PIP4K2A: variants seen among roughly 807,000 people sequenced by gnomAD.
PIP4K2A encodes phosphatidylinositol 5-phosphate 4-kinase type-2 alpha.
Under a neutral mutation model 42.9 loss-of-function variants are expected in PIP4K2A, and 14 were observed. The observed-to-expected ratio is 0.33, with a 90% CI of 0.22 to 0.51. PIP4K2A has a LOEUF of 0.51. PIP4K2A is among the 20% of genes least tolerant of loss of function. PIP4K2A has a pLI of 0.97. For missense variants in PIP4K2A, 434 were observed against 519.8 expected, an observed-to-expected ratio of 0.83 and a Z score of 1.61; for synonymous variants, 192 against 192.2, an observed-to-expected ratio of 1.00 and a Z score of 0.01.
At chr10:22,563,790 G>A (rs1026038748) in intron 6 of PIP4K2A, among the ~76,000 whole-genome samples, 1 of 152,182 alleles carries the variant, frequency 6.6e-6, no homozygotes, top group Non-Finnish European at 1.5e-5. Flanking sequence ...TCCACTCAAA[G>A]TAAGTAACGA....
intron 1 of PIP4K2A, among the ~76,000 whole-genome samples, chr10:22,681,219 A>G (rs2130878712): frequency 6.6e-6 from 1 of 152,324 alleles, no homozygotes; most frequent in African/African-American, 2.4e-5. Context: ...TGCAAGTAAC[A>G]CTAAGAAAAT....
At chr10:22,664,116 CAT>C (rs751644558) in intron 1 of PIP4K2A, among the ~76,000 whole-genome samples, 3,719 of 50,282 alleles carry the variant, frequency 0.074, 199 homozygotes, top group Middle Eastern at 0.16. Flanking sequence ...TATATATATA[CAT>C]ATATATATAT....
intron 6 of PIP4K2A, among the ~76,000 whole-genome samples, chr10:22,553,314 C>T (rs966476461): frequency 3.3e-5 from 5 of 152,116 alleles, no homozygotes; most frequent in East Asian, 1.9e-4. Context: ...CTCAGGGGCA[C>T]GAAGGTTTTG....
At chr10:22,714,144 G>A (rs1450325993) in intron 1 of PIP4K2A, 39 bp downstream of exon 1, 1 of 1,568,678 alleles carries the variant, frequency 6.4e-7, no homozygotes, top group Admixed American at 1.8e-5. Context: ...GGAAGAGGAG[G>A]AGGAGGAAGG....
chr10:22,563,259 A>G (rs1186121183), intron 6 of PIP4K2A, among the ~76,000 whole-genome samples: 5 of 152,248 alleles, frequency 3.3e-5, no homozygotes, highest in Non-Finnish European at 2.9e-5. Context: ...AACCACAAAA[A>G]GAAGGCTAGG....
At chr10:22,711,219 T>G (rs1833906321) in intron 1 of PIP4K2A, among the ~76,000 whole-genome samples, 5 of 152,186 alleles carry the variant, frequency 3.3e-5, no homozygotes, top group Admixed American at 3.3e-4. Flanking sequence ...CAAATCAAGA[T>G]TTTCATTACC....
chr10:22,541,681 G>T, intron 8 of PIP4K2A, 123 bp downstream of exon 8: 1 of 1,110,818 alleles, frequency 9.0e-7, no homozygotes, highest in Admixed American at 2.7e-5. Flanking sequence ...CATTTCTTTG[G>T]AGTTTGGAGG....
At chr10:22,712,659 T>C (rs1345043791) in intron 1 of PIP4K2A, among the ~76,000 whole-genome samples, 1 of 152,220 alleles carries the variant, frequency 6.6e-6, no homozygotes, top group Non-Finnish European at 1.5e-5. Flanking sequence ...GAGTTTTTGG[T>C]GCAGTAATGC....
At chr10:22,615,260 C>T (rs1219744328) in intron 1 of PIP4K2A, among the ~76,000 whole-genome samples, 2 of 152,186 alleles carry the variant, frequency 1.3e-5, no homozygotes, top group African/African-American at 4.8e-5. Flanking sequence ...CGCACACCAC[C>T]ATGCATGGCT....
chr10:22,693,139 AGAC>A (rs1382523124), intron 1 of PIP4K2A, among the ~76,000 whole-genome samples: 4 of 152,224 alleles, frequency 2.6e-5, no homozygotes, highest in Non-Finnish European at 5.9e-5. Flanking sequence ...TCCTCCCATT[AGAC>A]AAGGATAGTT....
At chr10:22,608,421 G>A (rs1412582870) in intron 2 of PIP4K2A, among the ~76,000 whole-genome samples, 1 of 152,100 alleles carries the variant, frequency 6.6e-6, no homozygotes, top group East Asian at 1.9e-4. Context: ...AGGAAAGGAG[G>A]GCCACTCCCT....
intron 4 of PIP4K2A, among the ~76,000 whole-genome samples, chr10:22,576,521 C>T (rs1341291064): frequency 6.6e-6 from 1 of 152,162 alleles, no homozygotes; most frequent in Non-Finnish European, 1.5e-5. Flanking sequence ...GTCTCACGAG[C>T]CTCAGCCACC....
At chr10:22,549,275 A>T (rs972811945) in intron 7 of PIP4K2A, among the ~76,000 whole-genome samples, 3 of 152,244 alleles carry the variant, frequency 2.0e-5, no homozygotes, top group African/African-American at 7.2e-5. Flanking sequence ...GATTAAAAAT[A>T]AATTATACTG....
chr10:22,574,846 T>C (rs573137926), intron 4 of PIP4K2A, among the ~76,000 whole-genome samples: 1 of 152,136 alleles, frequency 6.6e-6, no homozygotes, highest in South Asian at 2.1e-4. Flanking sequence ...AGCCACTGGG[T>C]GAAAAGAAAA....
At chr10:22,602,199 C>T (rs2130838681) in intron 3 of PIP4K2A, among the ~76,000 whole-genome samples, 1 of 152,088 alleles carries the variant, frequency 6.6e-6, no homozygotes, top group East Asian at 1.9e-4. Context: ...TCGAGACCAG[C>T]CTGGGCAACA....
At chr10:22,577,883 C>T (rs1279573352) in intron 4 of PIP4K2A, among the ~76,000 whole-genome samples, 1 of 152,208 alleles carries the variant, frequency 6.6e-6, no homozygotes, top group Non-Finnish European at 1.5e-5. Flanking sequence ...CGGTCTGGCA[C>T]CGCCTGGATC....
At chr10:22,575,197 G>A (rs1837082130) in intron 4 of PIP4K2A, among the ~76,000 whole-genome samples, 1 of 152,144 alleles carries the variant, frequency 6.6e-6, no homozygotes, top group Non-Finnish European at 1.5e-5. Context: ...AGATGATAAT[G>A]ATTATTTTCA....
intron 1 of PIP4K2A, among the ~76,000 whole-genome samples, chr10:22,712,092 T>C (rs764706729): frequency 6.6e-6 from 1 of 152,182 alleles, no homozygotes; most frequent in Non-Finnish European, 1.5e-5. Flanking sequence ...AAATGGAAAC[T>C]TCACTCCTCT....
At chr10:22,708,538 CT>C (rs745920326) in intron 1 of PIP4K2A, among the ~76,000 whole-genome samples, 1 of 152,150 alleles carries the variant, frequency 6.6e-6, no homozygotes, top group Non-Finnish European at 1.5e-5. Flanking sequence ...ATCTAAATTG[CT>C]TGTGTCCCTT....
Sources: allele counts gnomAD v4.1 joint callset (sites outside exome capture counted in the v4.1 genomes callset), GRCh38; gene constraint gnomAD v4.1.1; transcripts MANE v1.5; gene names NCBI Gene and HGNC (gene_info 2026-07-23, HGNC 2026-07-21).